Variants in BCL2L1 observed in about 807,000 individuals in gnomAD.
BCL2L1 encodes BCL2 like 1.
Under a neutral mutation model 18.7 loss-of-function variants are expected in BCL2L1, and 1 was observed. The ratio of observed to expected loss-of-function variants is 0.05; its 90% confidence interval spans 0.02 to 0.25. The LOEUF is 0.25. Among genes scored for constraint, BCL2L1 ranks in the 10% least tolerant of loss-of-function variants. BCL2L1 has a pLI of 1.00. For synonymous variants in BCL2L1, 103 were observed against 122.7 expected, an observed-to-expected ratio of 0.84 and a Z score of 1.06; for missense variants, 207 against 304.9, an observed-to-expected ratio of 0.68 and a Z score of 2.39.
In BCL2L1 at chr20:31,675,153, T is replaced by C. The variant is rs369591924; in HGVS notation, c.565-9067A>G. ...GTGCCAGACGAACCCTTCCTTCCTCTTGGGTGACTCTGGAGGGCCCAGGCC... is the reference window on the plus strand; with the variant it reads ...GTGCCAGACGAACCCTTCCTTCCTCCTGGGTGACTCTGGAGGGCCCAGGCC... On this transcript the variant is annotated intron_variant, in intron 2 of 2. Transcript: ENST00000307677. Among the ~76,000 whole-genome samples the C allele has an allele frequency of 7.2e-5, 11 of 152,134 alleles. 1 individual carries two copies. In the East Asian group the frequency reaches 1.3e-3, roughly 19 times the overall value.
In BCL2L1 at chr20:31,699,809, G is replaced by C. The variant is rs192293006; in HGVS notation, c.564+21846C>G. Among the ~76,000 whole-genome samples the C allele has an allele frequency of 2.7e-3, 417 of 152,328 alleles. 1 individual carries two copies. Among genetic ancestry groups the C allele is most frequent in the African/African-American group, 9.8e-3 (406 of 41,580 alleles). ...AATGGACCATTTAGCACACAGTCTA[G>C]GTGAGGGAATTAAATGAGAAAATGC... is the stretch of plus-strand genomic sequence containing the variant. On this transcript the variant is annotated intron_variant, in intron 2 of 2. Transcript: ENST00000307677.
Position 31,665,905 on chromosome 20 carries a change from G to C in BCL2L1, c.*44C>G, listed in dbSNP as rs760138522. ...GCGGCTGGACGGAGGATGTGGTGGA[G>C]CAGAGAAGGGGGTGGGAGGGTAGAG... On this transcript the variant is annotated 3_prime_UTR_variant, in exon 3 of 3. Transcript: ENST00000307677. 3 of 1,602,386 alleles carry C rather than the reference G, an allele frequency of 1.9e-6. No homozygotes were observed. The East Asian group carries it at 6.7e-5, about 36-fold the overall frequency.
intron 2 of BCL2L1, among the ~76,000 whole-genome samples, chr20:31,673,759 G>C (rs6060621): frequency 0.37 from 56,090 of 152,056 alleles, 12,432 homozygotes; most frequent in African/African-American, 0.61. Flanking sequence ...CTATAAAGCA[G>C]TCTATGCACA....
rs542673292 is a variant in BCL2L1, at chr20:31,713,932, C to T, written c.564+7723G>A. Among the ~76,000 whole-genome samples, 4 of 152,298 alleles carry T rather than the reference C, an allele frequency of 2.6e-5. No homozygotes were observed. The South Asian group carries it at 8.3e-4, about 32-fold the overall frequency. The stretch of plus-strand genomic sequence containing the variant: ...TTCATCTTTCTCACCTGATTTCTCT[C>T]CTTTGAAACGGAGATGTCATCCTTC... On this transcript the variant is annotated intron_variant, in intron 2 of 2. Transcript: ENST00000307677.
intron 2 of BCL2L1, among the ~76,000 whole-genome samples, chr20:31,667,491 G>T (rs1188339659): frequency 6.6e-6 from 1 of 151,028 alleles, no homozygotes; most frequent in East Asian, 1.9e-4. Context: ...TACCGTGTGT[G>T]TGTGTGTGTG....
chr20:31,721,376 A>G, intron 2 of BCL2L1: 1 of 441,804 alleles, frequency 2.3e-6, no homozygotes, highest in Non-Finnish European at 4.0e-6. Context: ...ATGAACACAT[A>G]GGCTACAGTT....
intron 2 of BCL2L1, chr20:31,686,282 G>A (rs1400355011): frequency 6.6e-6 from 1 of 152,232 alleles, no homozygotes; most frequent in East Asian, 1.9e-4. Context: ...AAACCCAGGT[G>A]TGTCTGACTG....
At position 31,665,289 on chromosome 20, in the gene BCL2L1, C is replaced by G. The variant is rs116990630; in HGVS notation, c.*660G>C. ...GGGGTGCTTCCTGTAGCTATAGCCC[C>G]CTCCCTCCTGGGTGGGGCTGGCCTC... On this transcript the variant is annotated 3_prime_UTR_variant, in exon 3 of 3. Transcript: ENST00000307677. 2 of 155,246 alleles carry G rather than the reference C, an allele frequency of 1.3e-5. No homozygotes were observed. The highest frequency in any genetic ancestry group is 4.8e-5 in the African/African-American group (2 of 41,460). 9.6% of individuals were successfully genotyped at this position (155,246 alleles called of 1,614,324 possible).
chr20:31,713,170 G>T, intron 2 of BCL2L1: 1 of 790,576 alleles, frequency 1.3e-6, no homozygotes, highest in Non-Finnish European at 1.5e-6. Context: ...CTGCTAATGC[G>T]TGATGGAGCC....
chr20:31,696,378 G>T (rs1484852078), intron 2 of BCL2L1, among the ~76,000 whole-genome samples: 2 of 152,134 alleles, frequency 1.3e-5, no homozygotes, highest in African/African-American at 4.8e-5. Flanking sequence ...AATGTCCTGG[G>T]TGCATAGCAT....
At chr20:31,717,130 T>G (rs575533786) in intron 2 of BCL2L1, among the ~76,000 whole-genome samples, 10 of 152,306 alleles carry the variant, frequency 6.6e-5, no homozygotes, top group African/African-American at 2.2e-4. Context: ...AGCAGTACAC[T>G]GGGAATTACC....
chr20:31,694,887 T>C (rs2061142657), intron 2 of BCL2L1, among the ~76,000 whole-genome samples: 1 of 151,866 alleles, frequency 6.6e-6, no homozygotes, highest in Non-Finnish European at 1.5e-5. Flanking sequence ...ACAGGCAACA[T>C]AGTGAGACCT....
At chr20:31,684,878 G>A (rs1173440119) in intron 2 of BCL2L1, among the ~76,000 whole-genome samples, 1 of 152,182 alleles carries the variant, frequency 6.6e-6, no homozygotes, top group Admixed American at 6.5e-5. Context: ...AGGGATTTCC[G>A]TTGGTGTTCA....
At chr20:31,680,229 T>C (rs2060835760) in intron 2 of BCL2L1, among the ~76,000 whole-genome samples, 2 of 152,190 alleles carry the variant, frequency 1.3e-5, no homozygotes, top group Non-Finnish European at 2.9e-5. Context: ...CTTCACAGCA[T>C]GTTAAATTTA....
At chr20:31,702,436 G>A (rs2061291559) in intron 2 of BCL2L1, among the ~76,000 whole-genome samples, 1 of 152,150 alleles carries the variant, frequency 6.6e-6, no homozygotes, top group African/African-American at 2.4e-5. Flanking sequence ...TTCGAGACCA[G>A]CCTGGACATC....
rs935234869 is a variant in BCL2L1 at position 31,713,666 on chromosome 20, A to G, written c.564+7989T>C. 24 of 836,796 alleles carry G rather than the reference A, an allele frequency of 2.9e-5. No homozygotes were observed. The South Asian group carries it at 1.3e-3, about 46-fold the overall frequency. 51.8% of individuals were successfully genotyped at this position (836,796 alleles called of 1,614,324 possible). ...GGCAGTTTCTTTATACAAAACCACA[A>G]TTTCAAAAATCAATATGTAAAAAAA... On this transcript the variant is annotated intron_variant, in intron 2 of 2. Transcript: ENST00000307677.
intron 2 of BCL2L1, among the ~76,000 whole-genome samples, chr20:31,704,105 T>C (rs111412523): frequency 2.0e-3 from 153 of 77,294 alleles, no homozygotes; most frequent in African/African-American, 7.5e-3. Flanking sequence ...GCCCTAAACC[T>C]TTTTTTTTTT....
Position 31,721,964 on chromosome 20 carries a change from T to C in BCL2L1, c.255A>G (p.Ala85=). The part of the protein sequence containing the change: ...LDAREVIPMA[A]VKQALREAGD... ...CTGCCTCCCTCAGCGCTTGCTTTAC[T>C]GCTGCCATGGGGATCACCTCCCGGG... Residue 85 remains alanine, a synonymous_variant, in exon 2 of 3, where the codon GCA becomes GCG. Coordinates refer to ENST00000307677, the MANE Select transcript of BCL2L1 (RefSeq NM_138578.3). 1 of 1,614,212 alleles carries C rather than the reference T, an allele frequency of 6.2e-7. No homozygotes were observed.
intron 2 of BCL2L1, among the ~76,000 whole-genome samples, chr20:31,685,649 T>C (rs2060943632): frequency 6.6e-6 from 1 of 152,190 alleles, no homozygotes; most frequent in Non-Finnish European, 1.5e-5. Flanking sequence ...ACTTTTCTCA[T>C]CTGAAAAGTG....
Sources: allele counts gnomAD v4.1 joint callset (sites outside exome capture counted in the v4.1 genomes callset), GRCh38; gene constraint gnomAD v4.1.1; transcripts MANE v1.5; gene names NCBI Gene and HGNC (gene_info 2026-07-23, HGNC 2026-07-21).